The following STAU1 variants were observed in gnomAD, a reference collection of about 807,000 sequenced individuals.
The protein encoded by STAU1 is double-stranded RNA-binding protein Staufen homolog 1.
In STAU1, 13 loss-of-function variants were observed where a neutral mutation model predicts 62.9. The observed-to-expected ratio is 0.21, with a 90% CI of 0.13 to 0.33. The LOEUF (loss-of-function observed/expected upper bound fraction) is 0.33. STAU1 is among the 10% of genes least tolerant of loss of function. The pLI, the probability that STAU1 is intolerant of heterozygous loss-of-function variation, is 1.00. For missense variants in STAU1, 571 were observed against 712.1 expected (o/e 0.80, Z 2.25); for synonymous variants, 269 against 265.1 (o/e 1.01, Z -0.14).
At chr20:49,196,444 C>CAAAA in the STAU1 span, among the ~76,000 whole-genome samples, 19 of 91,522 alleles carry the variant, frequency 2.1e-4, no homozygotes, top group East Asian at 7.9e-4. Context: ...CAAAACAAAA[C>CAAAA]AAAAAAAAAA....
At chr20:49,160,887 C>T (rs1180095446) in intron 3 of STAU1, among the ~76,000 whole-genome samples, 1 of 152,140 alleles carries the variant, frequency 6.6e-6, no homozygotes, top group Admixed American at 6.6e-5. Context: ...CTTGTGCAAA[C>T]AAGCAGGAGA....
Position 49,153,960 on chromosome 20 carries a change from T to C in STAU1, c.317A>G (p.Asn106Ser), listed in dbSNP as rs756021210. Residue 106 changes from asparagine (N) to serine (S), a missense_variant, in exon 4 of 14, where the codon AAC (asparagine) becomes AGC (serine). Asn to Ser is a conservative substitution (Grantham distance 46, BLOSUM62 1). Transcript: ENST00000371856. ...YSRMQSTYNY[N>S]MRGGAYPPRY... is the part of the protein sequence containing the mutation. The stretch of plus-strand genomic sequence containing the variant: ...CGGGGGATAAGCACCTCCTCTCATG[T>C]TGTAGTTATAGGTGGACTGCATCCG... The C allele has an allele frequency of 5.0e-6, 8 of 1,603,688 alleles. No individual in the cohort carries two copies. In the East Asian group the frequency reaches 1.8e-4, roughly 36 times the overall value.
At chr20:49,125,832 G>A (rs143761731) in intron 6 of STAU1, among the ~76,000 whole-genome samples, 3 of 151,972 alleles carry the variant, frequency 2.0e-5, no homozygotes, top group Non-Finnish European at 4.4e-5. Context: ...GACAGAGTGG[G>A]ACTCCGTCTC....
the STAU1 span, among the ~76,000 whole-genome samples, chr20:49,214,316 A>C: frequency 6.6e-6 from 1 of 152,176 alleles, no homozygotes; most frequent in Non-Finnish European, 1.5e-5. Flanking sequence ...TCAGGAGTTC[A>C]AGACCAGCCT....
intron 2 of STAU1, among the ~76,000 whole-genome samples, chr20:49,167,273 GC>G (rs1292776565): frequency 3.3e-5 from 5 of 152,150 alleles, no homozygotes; most frequent in African/African-American, 9.7e-5. Flanking sequence ...TCAGGAAATA[GC>G]CAACCAATGC....
chr20:49,206,719 TTATATATATATATATATATATA>T, the STAU1 span, among the ~76,000 whole-genome samples: 2 of 106,058 alleles, frequency 1.9e-5, no homozygotes, highest in Non-Finnish European at 3.5e-5. Flanking sequence ...AAATGAAATT[TTATATATATATATATATATATA>T]TATATATATA....
At chr20:49,125,082 A>AAAC (rs1568831547) in intron 6 of STAU1, among the ~76,000 whole-genome samples, 1 of 150,448 alleles carries the variant, frequency 6.6e-6, no homozygotes, top group Non-Finnish European at 1.5e-5. Context: ...AAAAAAAAAA[A>AAAC]AAAAAAAAAC....
At chr20:49,206,764 T>TA in the STAU1 span, among the ~76,000 whole-genome samples, 5 of 141,406 alleles carry the variant, frequency 3.5e-5, no homozygotes, top group South Asian at 2.2e-4. Context: ...TTATTTTATT[T>TA]TTTTTTTTTT....
chr20:49,152,116 T>C (rs1354727799), intron 4 of STAU1, among the ~76,000 whole-genome samples: 1 of 152,174 alleles, frequency 6.6e-6, no homozygotes, highest in Non-Finnish European at 1.5e-5. Context: ...ATGTCTCCAA[T>C]AGGAGGCTGG....
the STAU1 span, among the ~76,000 whole-genome samples, chr20:49,202,288 C>T: frequency 1.4e-5 from 2 of 143,286 alleles, no homozygotes; most frequent in African/African-American, 5.1e-5. Flanking sequence ...GGACACCGGG[C>T]GTGATGGCTC....
chr20:49,182,720 T>C (rs2093740438), intron 1 of STAU1, among the ~76,000 whole-genome samples: 1 of 151,650 alleles, frequency 6.6e-6, no homozygotes, highest in African/African-American at 2.4e-5. Flanking sequence ...GCACCTGTAG[T>C]CCCAGCTACT....
the STAU1 span, among the ~76,000 whole-genome samples, chr20:49,206,959 T>G: frequency 2.6e-5 from 4 of 151,526 alleles, no homozygotes; most frequent in Admixed American, 6.6e-5. Flanking sequence ...TTTCACCATG[T>G]TGGCCAGGAT....
At chr20:49,130,790 C>A (rs2092731914) in intron 6 of STAU1, among the ~76,000 whole-genome samples, 2 of 152,240 alleles carry the variant, frequency 1.3e-5, no homozygotes, top group Admixed American at 6.5e-5. Context: ...GTAATCCCAG[C>A]ACTCTGGGAG....
the STAU1 span, among the ~76,000 whole-genome samples, chr20:49,207,514 T>C: frequency 6.6e-6 from 1 of 152,168 alleles, no homozygotes. Context: ...AAATTTTTTT[T>C]GTTTGGTTGG....
At chr20:49,177,505 C>T (rs867782167) in intron 1 of STAU1, among the ~76,000 whole-genome samples, 6 of 151,726 alleles carry the variant, frequency 4.0e-5, no homozygotes, top group Non-Finnish European at 2.9e-5. Context: ...AGTGAAACCC[C>T]GTCTCTACTA....
intron 5 of STAU1, among the ~76,000 whole-genome samples, chr20:49,137,434 G>A (rs1212900071): frequency 6.6e-6 from 1 of 151,982 alleles, no homozygotes; most frequent in African/African-American, 2.4e-5. Flanking sequence ...ATAATAAGAG[G>A]AACTAGATAA....
chr20:49,178,757 A>T (rs2093688846), intron 1 of STAU1, among the ~76,000 whole-genome samples: 1 of 149,196 alleles, frequency 6.7e-6, no homozygotes, highest in Admixed American at 6.7e-5. Context: ...CTTCAAAAAT[A>T]AAATAAAATA....
intron 4 of STAU1, among the ~76,000 whole-genome samples, chr20:49,152,658 C>T (rs1416325299): frequency 6.6e-6 from 1 of 152,050 alleles, no homozygotes; most frequent in Non-Finnish European, 1.5e-5. Flanking sequence ...TGTCTTATTA[C>T]TGCCAGCAGA....
chr20:49,150,250 T>C (rs1210575647), intron 5 of STAU1, among the ~76,000 whole-genome samples: 1 of 152,206 alleles, frequency 6.6e-6, no homozygotes, highest in Non-Finnish European at 1.5e-5. Context: ...TGGCCCCTAA[T>C]TCTTTGACAA....
Sources: allele counts gnomAD v4.1 joint callset (sites outside exome capture counted in the v4.1 genomes callset), GRCh38; gene constraint gnomAD v4.1.1; transcripts MANE v1.5; gene names NCBI Gene and HGNC (gene_info 2026-07-23, HGNC 2026-07-21).